The following ARHGAP1 variants were observed in gnomAD, a reference collection of about 807,000 sequenced individuals.
ARHGAP1 encodes the protein rho GTPase-activating protein 1.
In ARHGAP1, 23 loss-of-function variants were observed where a neutral mutation model predicts 52.2. The ratio of observed to expected loss-of-function variants is 0.44; its 90% CI spans 0.32 to 0.62. The LOEUF is 0.62. Ranked by LOEUF, ARHGAP1 falls within the 20% of genes least tolerant of loss-of-function variation. The pLI is 0.05. For missense variants in ARHGAP1, 480 were observed against 560.9 expected, an observed-to-expected ratio of 0.86 and a Z score of 1.46; for synonymous variants, 210 against 228.4, an observed-to-expected ratio of 0.92 and a Z score of 0.73.
At chr11:46,689,532 C>G (rs1272734349) in intron 3 of ARHGAP1, among the ~76,000 whole-genome samples, 1 of 152,034 alleles carries the variant, frequency 6.6e-6, no homozygotes. Flanking sequence ...ATTCTTATCT[C>G]AAATTATTAT....
rs1488005871 is a variant in ARHGAP1 at position 46,680,824 on chromosome 11, A to G, written c.636-77T>C. The G allele has an allele frequency of 1.9e-5, 22 of 1,179,848 alleles. No individual in the cohort carries two copies. The highest frequency in any genetic ancestry group is 2.6e-5 in the Non-Finnish European group (22 of 839,656). The allele number at this position is 1,179,848 out of a possible 1,614,324, so 73.1% of individuals were successfully genotyped here. A position where few individuals can be genotyped will look rare whatever the true frequency, so the allele number is the denominator to read the frequency against. On this transcript the variant is annotated intron_variant, in intron 7 of 12. Transcript: ENST00000311956. This position sits in a 1 kb window ranked among gnomAD's most constrained non-coding sequence, Gnocchi z 5.9. ...CTGCCAATTCAATCAAGCATTGACC[A>G]CGCGGGGTCAGGAGGATCATCTCAT...
At chr11:46,697,818 G>A (rs2064667571) in intron 1 of ARHGAP1, among the ~76,000 whole-genome samples, 1 of 152,144 alleles carries the variant, frequency 6.6e-6, no homozygotes, top group Non-Finnish European at 1.5e-5. Context: ...ATTTCTCTGA[G>A]TGATGCCAAA....
intron 1 of ARHGAP1, chr11:46,697,113 T>C (rs72912177): frequency 0.098 from 14,922 of 152,676 alleles, 931 homozygotes; most frequent in South Asian, 0.19. Context: ...ATGCTCGTGA[T>C]GTCTGGGGTG....
intron 4 of ARHGAP1, among the ~76,000 whole-genome samples, chr11:46,683,701 C>T (rs2064546325): frequency 2.0e-5 from 3 of 151,238 alleles, no homozygotes; most frequent in South Asian, 4.2e-4. Flanking sequence ...AGTGCAGTGG[C>T]ATGATCTCGG....
chr11:46,699,710 A>G (rs1565692350), intron 1 of ARHGAP1, among the ~76,000 whole-genome samples: 3 of 151,878 alleles, frequency 2.0e-5, no homozygotes, highest in Non-Finnish European at 2.9e-5. Flanking sequence ...CTAAAAAAAA[A>G]AAAAGAAAAG....
chr11:46,688,764 C>T (rs1010740736), intron 3 of ARHGAP1, among the ~76,000 whole-genome samples: 1 of 151,568 alleles, frequency 6.6e-6, no homozygotes, highest in Non-Finnish European at 1.5e-5. Flanking sequence ...TGTGAGCCAC[C>T]GCACCCAGCC....
chr11:46,677,652 T>G lies in ARHGAP1; in HGVS notation c.*1385A>C. 1 of 229,582 alleles carries G rather than the reference T, an allele frequency of 4.4e-6. No homozygotes were observed. Among genetic ancestry groups the G allele is most frequent in the Non-Finnish European group, 8.8e-6 (1 of 113,190 alleles). The allele number at this position is 229,582 out of a possible 1,614,324, so 14.2% of individuals were successfully genotyped here. On this transcript the variant is annotated 3_prime_UTR_variant, in exon 13 of 13. Coordinates refer to ENST00000311956, the MANE Select transcript of ARHGAP1 (RefSeq NM_004308.5). Reference sequence around the variant, plus strand: ...CAGCCATCACTGGGGCCGAGGTTCTTTGAAAGACAACAGGGCTGGCCGGGT... The same window carrying G: ...CAGCCATCACTGGGGCCGAGGTTCTGTGAAAGACAACAGGGCTGGCCGGGT...
At position 46,696,607 on chromosome 11, in the gene ARHGAP1, G is replaced by A. The variant is rs1399203776; in HGVS notation, c.-49-451C>T. On this transcript the variant is annotated intron_variant, in intron 1 of 12. Transcript: ENST00000311956. The surrounding 1 kb of genome is among the most constrained non-coding windows in gnomAD (Gnocchi z 4.8). ...GAACATGCTGGGCACCGTGGCTCACGCCTGTAATCCCAGCACTTTGGGAGG... is the reference window on the plus strand; with the variant it reads ...GAACATGCTGGGCACCGTGGCTCACACCTGTAATCCCAGCACTTTGGGAGG... 3.3e-5 allele frequency among the ~76,000 whole-genome samples: 5 copies of A among 152,228 alleles called. No individual in the cohort carries two copies. The highest frequency in any genetic ancestry group is 1.9e-4 in the East Asian group (1 of 5,196).
At chr11:46,694,264 T>C (rs750987240) in intron 3 of ARHGAP1, among the ~76,000 whole-genome samples, 1 of 150,968 alleles carries the variant, frequency 6.6e-6, no homozygotes, top group Non-Finnish European at 1.5e-5. Context: ...CTACCTCCCA[T>C]AAATCTTCTG....
rs762494329 is a variant in ARHGAP1 at position 46,680,727 on chromosome 11, G to T, written c.656C>A (p.Ser219Tyr). ...QVLKYDDFLK[S>Y]TQKSPATAPK... The stretch of plus-strand genomic sequence containing the variant: ...GGCTGTCGCGGGGCTCTTCTGTGTG[G>T]ATTTCAGGAAGTCGTCATATCTGTA... Residue 219 changes from serine to tyrosine, a missense_variant, in exon 8 of 13, where the codon TCC (serine) becomes TAC (tyrosine). Physicochemically the swap from Ser to Tyr is moderately radical, Grantham distance 144 (BLOSUM62 -2). Coordinates refer to ENST00000311956, the MANE Select transcript of ARHGAP1 (RefSeq NM_004308.5). This position sits in a 1 kb window ranked among gnomAD's most constrained non-coding sequence, Gnocchi z 5.9. 2.1e-5 allele frequency: 32 copies of T among 1,558,936 alleles called. No homozygotes were observed. Among genetic ancestry groups the T allele is most frequent in the Non-Finnish European group, 2.8e-5 (32 of 1,153,958 alleles).
In ARHGAP1 at chr11:46,695,689, A is replaced by G; in HGVS notation, c.200T>C (p.Ile67Thr). The change falls in exon 3 of 13, where the codon ATC becomes ACC. Residue 67 changes from isoleucine to threonine, a missense_variant. Physicochemically the swap from Ile to Thr is moderately conservative, Grantham distance 89. Transcript: ENST00000311956. ...HLKWDDPYYD[I>T]ARHQIVEVAG... The stretch of plus-strand genomic sequence containing the variant: ...CACCTCCACGATCTGGTGCCGGGCG[A>G]TGTCATAGTATGGGTCATCCCACTT... The G allele has an allele frequency of 6.4e-7, 1 of 1,551,910 alleles. No individual in the cohort carries two copies. Among genetic ancestry groups the G allele is most frequent in the Non-Finnish European group, 8.7e-7 (1 of 1,147,066 alleles).
At position 46,680,963 on chromosome 11, in the gene ARHGAP1, C is replaced by T; in HGVS notation, c.635+48G>A. 3 of 1,545,212 alleles carry T rather than the reference C, an allele frequency of 1.9e-6. No homozygotes were observed. The highest frequency in any genetic ancestry group is 2.7e-6 in the Non-Finnish European group (3 of 1,121,206). ...GCGGTCTCTGAATCAGGACACACGT[C>T]CTCATTACCCTGGCTTCACGAGCCC... On this transcript the variant is annotated intron_variant, in intron 7 of 12. Transcript: ENST00000311956. This position sits in a 1 kb window ranked among gnomAD's most constrained non-coding sequence, Gnocchi z 5.9.
chr11:46,690,445 TG>T lies in ARHGAP1; in HGVS notation c.230-2186del, dbSNP rs2064603483. Among the ~76,000 whole-genome samples, 5 of 152,022 alleles carry T rather than the reference TG, an allele frequency of 3.3e-5. No homozygotes were observed. The South Asian group carries it at 1.0e-3, about 32-fold the overall frequency. ...GGGGGTCTCAATGTGTTGCCCAGGC[TG>T]TTCTTGAACTCCTGGCTTTAGGTGA... On this transcript the variant is annotated intron_variant, in intron 3 of 12. Coordinates refer to ENST00000311956, the MANE Select transcript of ARHGAP1 (RefSeq NM_004308.5).
At chr11:46,683,037 CTTT>C (rs66603634) in intron 4 of ARHGAP1, among the ~76,000 whole-genome samples, 3 of 108,788 alleles carry the variant, frequency 2.8e-5, no homozygotes, top group East Asian at 2.8e-4. Context: ...CCAAAGCCTG[CTTT>C]TTTTTTTTTT....
chr11:46,692,076 C>T (rs576237340), intron 3 of ARHGAP1, among the ~76,000 whole-genome samples: 3 of 152,320 alleles, frequency 2.0e-5, no homozygotes, highest in Non-Finnish European at 2.9e-5. Context: ...TGCTCTCTTT[C>T]GTACCCTAGC....
In ARHGAP1 at chr11:46,686,124, A is replaced by G. The variant is rs145703940; in HGVS notation, c.317+2049T>C. Among the ~76,000 whole-genome samples, 253 of 151,774 alleles carry G rather than the reference A, an allele frequency of 1.7e-3. 1 individual carries two copies. Among genetic ancestry groups the G allele is most frequent in the African/African-American group, 5.9e-3 (243 of 41,372 alleles). On this transcript the variant is annotated intron_variant, in intron 4 of 12. Coordinates refer to ENST00000311956, the MANE Select transcript of ARHGAP1 (RefSeq NM_004308.5). ...GTAGCTGGGATTATCTTGAGTAGCT[A>G]GGATTATAGGCATGCACCACCAAGC...
Position 46,680,887 on chromosome 11 carries a change from G to A in ARHGAP1, c.635+124C>T, listed in dbSNP as rs560572924. 33 of 1,113,238 alleles carry A rather than the reference G, an allele frequency of 3.0e-5. No homozygotes were observed. The East Asian group carries it at 7.6e-4, about 26-fold the overall frequency. The allele number at this position is 1,113,238 out of a possible 1,614,324, so 69.0% of individuals were successfully genotyped here. On this transcript the variant is annotated intron_variant, in intron 7 of 12. Transcript: ENST00000311956. The surrounding 1 kb of genome is among the most constrained non-coding windows in gnomAD (Gnocchi z 5.9). ...ACAACTCCGCTTTCCACAGCAGAAA[G>A]CAAAGACCTGGGAGAGGTCGGGACA...
At chr11:46,682,230 C>G in intron 4 of ARHGAP1, 48 bp from the exon 5 acceptor site, 1 of 1,603,484 alleles carries the variant, frequency 6.2e-7, no homozygotes, top group South Asian at 1.1e-5. Context: ...ACAGGGGCGG[C>G]CCCACGAAGA....
chr11:46,678,787 C>T lies in ARHGAP1; in HGVS notation c.*250G>A. Reference sequence around the variant, plus strand: ...TCCTTCTCCAGCTGGAAGAGCCAAGCCCAGCTCTGGAGAGCCCAGCAAAAG... The same window carrying T: ...TCCTTCTCCAGCTGGAAGAGCCAAGTCCAGCTCTGGAGAGCCCAGCAAAAG... On this transcript the variant is annotated 3_prime_UTR_variant, in exon 13 of 13. Coordinates refer to ENST00000311956, the MANE Select transcript of ARHGAP1 (RefSeq NM_004308.5). 2 of 517,848 alleles carry T rather than the reference C, an allele frequency of 3.9e-6. No individual in the cohort carries two copies. The allele number at this position is 517,848 out of a possible 1,614,324, so 32.1% of individuals were successfully genotyped here.
Sources: allele counts gnomAD v4.1 joint callset (sites outside exome capture counted in the v4.1 genomes callset), GRCh38; gene constraint gnomAD v4.1.1; non-coding constraint Gnocchi (gnomAD v3.1); transcripts MANE v1.5; gene names NCBI Gene and HGNC (gene_info 2026-07-23, HGNC 2026-07-21).